The following ETV6 variants were observed in gnomAD, a reference collection of about 807,000 sequenced individuals.
The protein encoded by ETV6 is ETS variant transcription factor 6, also known as transcription factor ETV6.
In ETV6, 16 loss-of-function variants were observed where a neutral mutation model predicts 51.1. That is an observed-to-expected ratio of 0.31 (90% CI 0.21 to 0.48). The LOEUF (loss-of-function observed/expected upper bound fraction) is 0.48. Ranked by LOEUF, ETV6 falls within the 20% of genes least tolerant of loss-of-function variation. The pLI, the probability that ETV6 is intolerant of heterozygous loss-of-function variation, is 0.99. For missense variants in ETV6, 458 were observed against 594.8 expected (o/e 0.77, Z 2.39); for synonymous variants, 240 against 224.1 (o/e 1.07, Z -0.64).
Position 11,811,918 on chromosome 12 carries a change from G to T in ETV6, c.164-27222G>T, listed in dbSNP as rs144413092. On this transcript the variant is annotated intron_variant, in intron 2 of 7. Transcript: ENST00000396373. ...TTTTATGACACCTAGAAGGGAAAAGGGCAGAGAACTGGAAAGCTGAGATGG... is the reference window on the plus strand; with the variant it reads ...TTTTATGACACCTAGAAGGGAAAAGTGCAGAGAACTGGAAAGCTGAGATGG... Among the ~76,000 whole-genome samples the T allele has an allele frequency of 3.3e-5, 5 of 152,246 alleles. No homozygotes were observed. In the East Asian group the frequency reaches 9.7e-4, roughly 29 times the overall value.
At chr12:11,874,381 A>G (rs1946930978) in intron 5 of ETV6, among the ~76,000 whole-genome samples, 1 of 147,106 alleles carries the variant, frequency 6.8e-6, no homozygotes, top group Non-Finnish European at 1.5e-5. Context: ...TGTCTCAAAA[A>G]AAAAAAAAAT....
chr12:11,758,445 C>T (rs552573732), intron 2 of ETV6, among the ~76,000 whole-genome samples: 3 of 152,120 alleles, frequency 2.0e-5, no homozygotes, highest in African/African-American at 7.2e-5. Context: ...AAAGAAAGGA[C>T]CTAGGGTTCT....
At chr12:11,800,107 G>A (rs927326215) in intron 2 of ETV6, among the ~76,000 whole-genome samples, 3 of 152,064 alleles carry the variant, frequency 2.0e-5, no homozygotes, top group Non-Finnish European at 4.4e-5. Context: ...TAATATATAT[G>A]ACCTTGGAAG....
chr12:11,745,430 G>C lies in ETV6; in HGVS notation c.34-7020G>C, dbSNP rs1331389967. Among the ~76,000 whole-genome samples, 4 of 152,310 alleles carry C rather than the reference G, an allele frequency of 2.6e-5. No homozygotes were observed. The East Asian group carries it at 5.8e-4, about 22-fold the overall frequency. ...GTATCTGTTGCTGGCTCTGTCCTCTGCTACTACAAGCAAGCCTTGAGTCTC... is the reference window on the plus strand; with the variant it reads ...GTATCTGTTGCTGGCTCTGTCCTCTCCTACTACAAGCAAGCCTTGAGTCTC... On this transcript the variant is annotated intron_variant, in intron 1 of 7. Coordinates refer to ENST00000396373, the MANE Select transcript of ETV6 (RefSeq NM_001987.5).
intron 1 of ETV6, among the ~76,000 whole-genome samples, chr12:11,732,644 C>T (rs1865623141): frequency 6.6e-6 from 1 of 152,212 alleles, no homozygotes; most frequent in South Asian, 2.1e-4. Context: ...GGGCTGGGGG[C>T]TTCCTTGGTG....
At position 11,869,930 on chromosome 12, in the gene ETV6, C is replaced by A; in HGVS notation, c.970C>A (p.Pro324Thr). The A allele has an allele frequency of 6.2e-7, 1 of 1,610,388 alleles. No homozygotes were observed. The highest frequency in any genetic ancestry group is 8.5e-7 in the Non-Finnish European group (1 of 1,179,874). The change falls in exon 5 of 8, where the codon CCG becomes ACG. Residue 324 changes from proline to threonine, a missense_variant. Pro to Thr is a conservative substitution (Grantham distance 38). Coordinates refer to ENST00000396373, the MANE Select transcript of ETV6 (RefSeq NM_001987.5). The surrounding 1 kb of genome is among the most constrained non-coding windows in gnomAD (Gnocchi z 5.0). ...YMNHIMVSVS[P>T]PEEHAMPIGR... ...GAACCACATCATGGTCTCTGTCTCC[C>A]CGCCTGAAGAGCACGCCATGCCCAT...
chr12:11,879,336 C>T (rs1311186419), intron 5 of ETV6, among the ~76,000 whole-genome samples: 1 of 152,136 alleles, frequency 6.6e-6, no homozygotes, highest in African/African-American at 2.4e-5. Context: ...TAAACATTCC[C>T]TATGTCAATA....
chr12:11,796,163 C>G (rs190518330), intron 2 of ETV6, among the ~76,000 whole-genome samples: 1 of 141,194 alleles, frequency 7.1e-6, no homozygotes, highest in East Asian at 2.1e-4. Context: ...CAGCCACTGT[C>G]CAGTCAAGCA....
In ETV6 at chr12:11,859,118, G is replaced by GCTTTTTTTTTTTTTTTTTTTTTTTTTTT. The variant is rs1565555150; in HGVS notation, c.463+5557_463+5558insCTTTTTTTTTTTTTTTTTTTTTTTTTTT. 2.4e-4 allele frequency among the ~76,000 whole-genome samples: 10 copies of GCTTTTTTTTTTTTTTTTTTTTTTTTTTT among 41,794 alleles called. 5 individuals are homozygous for GCTTTTTTTTTTTTTTTTTTTTTTTTTTT. Among genetic ancestry groups the GCTTTTTTTTTTTTTTTTTTTTTTTTTTT allele is most frequent in the African/African-American group, 4.2e-4 (6 of 14,384 alleles). 27.4% of individuals were successfully genotyped at this position (41,794 alleles called of 152,430 possible). ...TAAAGAAGATGAGGTATATGAATCT[G>GCTTTTTTTTTTTTTTTTTTTTTTTTTTT]GTTTTTTTTTTTTTTTTTTTTTTTT... is the stretch of plus-strand genomic sequence containing the variant. On this transcript the variant is annotated intron_variant, in intron 4 of 7. Coordinates refer to ENST00000396373, the MANE Select transcript of ETV6 (RefSeq NM_001987.5).
chr12:11,821,662 C>T (rs1429770045), intron 2 of ETV6, among the ~76,000 whole-genome samples: 1 of 151,908 alleles, frequency 6.6e-6, no homozygotes, highest in African/African-American at 2.4e-5. Context: ...ATAGCAAGAC[C>T]CCATCTCTTA....
intron 1 of ETV6, among the ~76,000 whole-genome samples, chr12:11,696,196 G>A (rs1864875633): frequency 6.6e-6 from 1 of 152,146 alleles, no homozygotes; most frequent in African/African-American, 2.4e-5. Context: ...TATAGCACTT[G>A]TCAGTCTCTG....
chr12:11,801,719 A>G (rs1945751972), intron 2 of ETV6, among the ~76,000 whole-genome samples: 1 of 152,212 alleles, frequency 6.6e-6, no homozygotes, highest in African/African-American at 2.4e-5. Context: ...AAACTCAGAT[A>G]TGACGAATCA....
chr12:11,727,660 A>G (rs554593343), intron 1 of ETV6, among the ~76,000 whole-genome samples: 1 of 144,342 alleles, frequency 6.9e-6, no homozygotes, highest in African/African-American at 2.4e-5. Flanking sequence ...GGTCATGAAA[A>G]GTGCAGCCAG....
chr12:11,773,714 C>T (rs1945275886), intron 2 of ETV6, among the ~76,000 whole-genome samples: 1 of 152,182 alleles, frequency 6.6e-6, no homozygotes, highest in African/African-American at 2.4e-5. Context: ...TTGAGGAAAA[C>T]AGTGCACATA....
intron 1 of ETV6, among the ~76,000 whole-genome samples, chr12:11,682,520 CT>C (rs1425741422): frequency 7.2e-5 from 11 of 152,094 alleles, no homozygotes; most frequent in African/African-American, 2.7e-4. Context: ...AGGTTGTCTG[CT>C]CACTCTAATG....
intron 1 of ETV6, chr12:11,750,866 A>G (rs775173094): frequency 6.3e-6 from 3 of 478,404 alleles, no homozygotes; most frequent in Admixed American, 2.4e-5. Flanking sequence ...CCATCCTTCA[A>G]GTTAAAGTTT....
intron 1 of ETV6, among the ~76,000 whole-genome samples, chr12:11,666,555 G>A (rs915849855): frequency 6.6e-6 from 1 of 152,180 alleles, no homozygotes; most frequent in Non-Finnish European, 1.5e-5. Context: ...AGTGTGATCT[G>A]ATAAGTGGGA....
chr12:11,787,163 T>A (rs1412196744), intron 2 of ETV6, among the ~76,000 whole-genome samples: 2 of 152,202 alleles, frequency 1.3e-5, no homozygotes, highest in African/African-American at 2.4e-5. Context: ...TTGCTCTGCT[T>A]ATGGCTGGAG....
chr12:11,865,250 CAAA>C (rs11395687), intron 4 of ETV6, among the ~76,000 whole-genome samples: 50 of 82,864 alleles, frequency 6.0e-4, no homozygotes, highest in African/African-American at 1.8e-3. Flanking sequence ...GACTCCGTCT[CAAA>C]AAAAAAAAAA....
Sources: gnomAD v4.1 joint callset for allele counts (sites outside exome capture counted in the v4.1 genomes callset) on GRCh38, gnomAD v4.1.1 for gene constraint, Gnocchi (gnomAD v3.1) non-coding constraint, MANE v1.5 for transcripts, NCBI Gene and HGNC (gene_info 2026-07-23, HGNC 2026-07-21) for gene names.